LMF1: variants seen among roughly 807,000 people sequenced by gnomAD.
LMF1 encodes lipase maturation factor 1, also known as transmembrane protein 112.
Under a neutral mutation model 60.6 loss-of-function variants are expected in LMF1, and 68 were observed. That is an observed-to-expected ratio of 1.12 (90% confidence interval 0.92 to 1.37). The LOEUF is 1.37. Ranked by LOEUF, LMF1 falls within the 40% of genes most tolerant of loss-of-function variation. The pLI, the probability that LMF1 is intolerant of heterozygous loss-of-function variation, is 0.00. For missense variants in LMF1, 948 were observed against 767.2 expected (o/e 1.24, Z -2.78); for synonymous variants, 418 against 324.7 (o/e 1.29, Z -3.09).
At chr16:980,001 C>T (rs1016089668) in intron 1 of LMF1, 6 of 336,582 alleles carry the variant, frequency 1.8e-5, no homozygotes, top group African/African-American at 1.3e-4. Flanking sequence ...AGGCAGGTGC[C>T]GGAGCCAAGC....
At chr16:891,177 C>T (rs1567192209) in intron 5 of LMF1, among the ~76,000 whole-genome samples, 1 of 152,216 alleles carries the variant, frequency 6.6e-6, no homozygotes, top group African/African-American at 2.4e-5. Context: ...CCCCCCGGCC[C>T]GCCTCCCCAA....
intron 1 of LMF1, among the ~76,000 whole-genome samples, chr16:958,754 G>A (rs981724947): frequency 2.0e-5 from 3 of 152,114 alleles, no homozygotes; most frequent in African/African-American, 4.8e-5. Context: ...GGGCATAGTG[G>A]TGCACACCTG....
rs115262728 is a variant in LMF1, at chr16:926,699, C to A, written c.514+7545G>T. On this transcript the variant is annotated intron_variant, in intron 3 of 10. Transcript: ENST00000262301. ...GTGTGAAGAAGGTGGAACCCGGCAC[C>A]ACGGCCCACACCCTAAGGGGTCCCG... Among the ~76,000 whole-genome samples the A allele has an allele frequency of 2.6e-3, 393 of 152,372 alleles. 5 individuals carry two copies. Among genetic ancestry groups the A allele is most frequent in the African/African-American group, 9.1e-3 (377 of 41,590 alleles).
At position 970,927 on chromosome 16, in the gene LMF1, C is replaced by A; in HGVS notation, c.54G>T (p.Arg18=). The A allele has an allele frequency of 6.4e-7, 1 of 1,570,488 alleles. No homozygotes were observed. Among genetic ancestry groups the A allele is most frequent in the Non-Finnish European group, 8.7e-7 (1 of 1,155,990 alleles). ...MAAPAESLRR[R]KTGYSDPEPE... is the part of the protein sequence containing the mutation. ...GCTCCGGATCCGAGTACCCAGTCTTCCGCCTCCTCAGCGACTCCGCGGGCG... is the reference window on the plus strand; with the variant it reads ...GCTCCGGATCCGAGTACCCAGTCTTACGCCTCCTCAGCGACTCCGCGGGCG... The change falls in exon 1 of 11, where the codon CGG becomes CGT. Residue 18 remains arginine, a synonymous_variant. Coordinates refer to ENST00000262301, the MANE Select transcript of LMF1 (RefSeq NM_022773.4).
At chr16:969,371 A>G (rs1480928972) in intron 1 of LMF1, among the ~76,000 whole-genome samples, 1 of 152,184 alleles carries the variant, frequency 6.6e-6, no homozygotes, top group African/African-American at 2.4e-5. Context: ...AGAGAGAGAC[A>G]CAGACCCAGT....
intron 6 of LMF1, among the ~76,000 whole-genome samples, chr16:875,061 C>T (rs993910688): frequency 3.3e-5 from 5 of 152,200 alleles, no homozygotes; most frequent in Non-Finnish European, 5.9e-5. Context: ...AGCACAGCCA[C>T]GACCCTGGTG....
At chr16:978,953 A>G (rs997733009) in intron 1 of LMF1, 28 of 453,724 alleles carry the variant, frequency 6.2e-5, no homozygotes, top group Admixed American at 7.1e-5. Flanking sequence ...CTCAGCTTAA[A>G]TGACACCAAA....
chr16:908,927 G>A (rs1366444906), intron 4 of LMF1, among the ~76,000 whole-genome samples: 4 of 152,212 alleles, frequency 2.6e-5, no homozygotes, highest in Non-Finnish European at 5.9e-5. Flanking sequence ...AGGGCAGAGA[G>A]GAAAGCTGGA....
Position 854,501 on chromosome 16 carries a change from C to T in LMF1, c.*31G>A, listed in dbSNP as rs2069133584. The T allele has an allele frequency of 6.3e-7, 1 of 1,592,334 alleles. No homozygotes were observed. Among genetic ancestry groups the T allele is most frequent in the Non-Finnish European group, 8.5e-7 (1 of 1,173,504 alleles). ...CAAACGTTGCTGAGCCGCCGAGGGG[C>T]TGGGTCTTCGCCTTTATTTCTGGTG... is the stretch of plus-strand genomic sequence containing the variant. On this transcript the variant is annotated 3_prime_UTR_variant, in exon 11 of 11. Coordinates refer to ENST00000262301, the MANE Select transcript of LMF1 (RefSeq NM_022773.4).
In LMF1 at chr16:854,589, C is replaced by G; in HGVS notation, c.1647G>C (p.Leu549=). ...CCCTGAAGTAGGGCCTCAGCTCCTC[C>G]AGGCTGAGCGGAGGGAAGTAGGCTC... is the stretch of plus-strand genomic sequence containing the variant. ...RIGAYFPPLS[L]EELRPYFRDR... The change falls in exon 11 of 11, where the codon CTG becomes CTC. Residue 549 remains leucine (L), a synonymous_variant. Transcript: ENST00000262301. The G allele has an allele frequency of 6.2e-7, 1 of 1,607,308 alleles. No individual in the cohort carries two copies. The highest frequency in any genetic ancestry group is 1.7e-5 in the Admixed American group (1 of 59,420).
intron 10 of LMF1, among the ~76,000 whole-genome samples, chr16:856,874 C>G (rs1055010746): frequency 1.3e-5 from 2 of 152,126 alleles, no homozygotes; most frequent in Non-Finnish European, 2.9e-5. Flanking sequence ...TCTTGCACAG[C>G]TATAGTAGGG....
intron 5 of LMF1, among the ~76,000 whole-genome samples, chr16:881,048 C>T (rs1247889632): frequency 6.6e-6 from 1 of 152,228 alleles, no homozygotes; most frequent in Non-Finnish European, 1.5e-5. Context: ...TCAGAATCCG[C>T]ACCCAGGTCC....
chr16:967,953 C>T (rs1373261524), intron 1 of LMF1, among the ~76,000 whole-genome samples: 3 of 152,252 alleles, frequency 2.0e-5, no homozygotes, highest in East Asian at 1.9e-4. Flanking sequence ...CGAGTCCACA[C>T]GTCAGGAAGA....
At chr16:973,357 CATAAA>C (rs1344096020), upstream of LMF1, among the ~76,000 whole-genome samples, 1 of 152,056 alleles carries the variant, frequency 6.6e-6, no homozygotes, top group Non-Finnish European at 1.5e-5. Context: ...TAAAATAAAA[CATAAA>C]ATAAAAAGGA....
At chr16:868,872 C>T in intron 10 of LMF1, 72 bp downstream of exon 10, 2 of 967,030 alleles carry the variant, frequency 2.1e-6, no homozygotes, top group East Asian at 2.4e-5. Flanking sequence ...GGTGCAGGTA[C>T]AGGTGGTGGG....
chr16:959,361 A>C (rs2072775240), intron 1 of LMF1, among the ~76,000 whole-genome samples: 2 of 152,222 alleles, frequency 1.3e-5, no homozygotes, highest in African/African-American at 4.8e-5. Context: ...CACACTGGAA[A>C]AGGCAAAACC....
At chr16:934,137 T>C (rs558211434) in intron 3 of LMF1, 107 bp downstream of exon 3, 53 of 1,585,348 alleles carry the variant, frequency 3.3e-5, no homozygotes, top group East Asian at 4.5e-5. Flanking sequence ...GGAAGGCTGA[T>C]GGCAGAGGCT....
chr16:918,710 G>A (rs1317294063), intron 3 of LMF1, among the ~76,000 whole-genome samples: 1 of 144,968 alleles, frequency 6.9e-6, no homozygotes, highest in African/African-American at 2.5e-5. Context: ...GGCACTCAAA[G>A]GCAGCCTGCG....
At chr16:876,559 G>T (rs2151709417) in intron 6 of LMF1, among the ~76,000 whole-genome samples, 1 of 152,320 alleles carries the variant, frequency 6.6e-6, no homozygotes, top group South Asian at 2.1e-4. Flanking sequence ...GGGGGATAAG[G>T]GAACCTTTGT....
Sources: gnomAD v4.1 joint callset for allele counts (sites outside exome capture counted in the v4.1 genomes callset) on GRCh38, gnomAD v4.1.1 for gene constraint, MANE v1.5 for transcripts, NCBI Gene and HGNC (gene_info 2026-07-23, HGNC 2026-07-21) for gene names.